DGKB: variants seen among roughly 807,000 people sequenced by gnomAD.
DGKB encodes the protein 90 kDa diacylglycerol kinase.
In DGKB, 67 loss-of-function variants were observed where a neutral mutation model predicts 114.3. The ratio of observed to expected loss-of-function variants is 0.59; its 90% CI spans 0.48 to 0.72. DGKB has a LOEUF of 0.72. Ranked by LOEUF, DGKB falls within the 30% of genes least tolerant of loss-of-function variation. The probability of loss-of-function intolerance (pLI) is 0.00; values close to 1 mark genes in which losing one functional copy is unlikely to be tolerated. For missense variants in DGKB, 907 were observed against 975.2 expected, an observed-to-expected ratio of 0.93 and a Z score of 0.93; for synonymous variants, 398 against 323.1, an observed-to-expected ratio of 1.23 and a Z score of -2.49.
chr7:14,297,850 A>G (rs1283749859), intron 23 of DGKB, among the ~76,000 whole-genome samples: 2 of 152,198 alleles, frequency 1.3e-5, no homozygotes, highest in East Asian at 1.9e-4. Flanking sequence ...AAACAACTTC[A>G]GCAAAGTCTC....
At chr7:14,626,487 A>G (rs1808611150) in intron 14 of DGKB, among the ~76,000 whole-genome samples, 1 of 152,168 alleles carries the variant, frequency 6.6e-6, no homozygotes, top group Non-Finnish European at 1.5e-5. Flanking sequence ...AGAGTTTTTA[A>G]CCCAAGGTAT....
At chr7:14,322,835 A>G (rs1053644274) in intron 23 of DGKB, among the ~76,000 whole-genome samples, 1 of 152,208 alleles carries the variant, frequency 6.6e-6, no homozygotes, top group Non-Finnish European at 1.5e-5. Flanking sequence ...GATGTTTCAC[A>G]TCATTAGTCA....
chr7:14,785,380 C>T (rs1839733487), intron 2 of DGKB, among the ~76,000 whole-genome samples: 1 of 152,022 alleles, frequency 6.6e-6, no homozygotes, highest in Admixed American at 6.5e-5. Flanking sequence ...ATTTGATTTA[C>T]TTTGGCTCTT....
intron 20 of DGKB, among the ~76,000 whole-genome samples, chr7:14,510,034 G>T (rs1414843191): frequency 6.6e-6 from 1 of 152,062 alleles, no homozygotes; most frequent in Admixed American, 6.5e-5. Flanking sequence ...AAATTAGCCC[G>T]GCGTGGCGGC....
At chr7:14,461,224 A>C (rs1300275716) in intron 21 of DGKB, among the ~76,000 whole-genome samples, 3 of 152,188 alleles carry the variant, frequency 2.0e-5, no homozygotes, top group Non-Finnish European at 2.9e-5. Context: ...TTCAAAAGCT[A>C]GCAGAAGACA....
chr7:14,937,069 CACACAT>C (rs1237901840), intron 1 of DGKB, among the ~76,000 whole-genome samples: 1,158 of 105,962 alleles, frequency 0.011, 6 homozygotes, highest in East Asian at 0.039. Context: ...CACACACACA[CACACAT>C]CTTTTGTTAA....
At chr7:14,687,777 T>C (rs1821981670) in intron 9 of DGKB, among the ~76,000 whole-genome samples, 1 of 152,188 alleles carries the variant, frequency 6.6e-6, no homozygotes, top group Admixed American at 6.5e-5. Flanking sequence ...TGATTGTCCA[T>C]TACATGTGAA....
chr7:14,664,306 C>A (rs1166774824), intron 13 of DGKB, among the ~76,000 whole-genome samples: 1 of 152,000 alleles, frequency 6.6e-6, no homozygotes, highest in Non-Finnish European at 1.5e-5. Flanking sequence ...GCCTAATTTT[C>A]TTTCTCTGTT....
intron 17 of DGKB, among the ~76,000 whole-genome samples, chr7:14,603,599 T>C (rs961160452): frequency 2.6e-5 from 4 of 152,138 alleles, no homozygotes; most frequent in African/African-American, 9.6e-5. Flanking sequence ...AAAGTTTCAC[T>C]ATGAAATATG....
At chr7:14,898,295 G>A (rs1782433308) in intron 1 of DGKB, among the ~76,000 whole-genome samples, 1 of 151,988 alleles carries the variant, frequency 6.6e-6, no homozygotes, top group Admixed American at 6.6e-5. Flanking sequence ...ACTGTGGAGG[G>A]TTATAATAAG....
At chr7:14,795,572 G>A (rs1841289448) in intron 2 of DGKB, among the ~76,000 whole-genome samples, 1 of 152,146 alleles carries the variant, frequency 6.6e-6, no homozygotes, top group South Asian at 2.1e-4. Flanking sequence ...ATCACTGTCT[G>A]TAGGCCAGAC....
chr7:14,965,893 TC>T, intron 1 of DGKB, among the ~76,000 whole-genome samples: 1 of 152,218 alleles, frequency 6.6e-6, no homozygotes, highest in East Asian at 1.9e-4. Context: ...TCCATTTTGC[TC>T]TTTTCATTAC....
intron 21 of DGKB, among the ~76,000 whole-genome samples, chr7:14,458,638 C>A (rs138275764): frequency 6.6e-6 from 1 of 152,286 alleles, no homozygotes; most frequent in African/African-American, 2.4e-5. Flanking sequence ...CCCTGAGGGA[C>A]TGTGCCATGA....
rs573515186 is a variant in DGKB, at chr7:14,492,597, C to CAGA, written c.1771-14373_1771-14372insTCT. Among the ~76,000 whole-genome samples, 90 of 152,112 alleles carry CAGA rather than the reference C, an allele frequency of 5.9e-4. 2 individuals carry two copies. In the East Asian group the frequency reaches 0.014, roughly 23 times the overall value. On this transcript the variant is annotated intron_variant, in intron 20 of 25. Transcript: ENST00000402815. ...GAATTAATGGGTATTAGATGTAATA[C>CAGA]TTTAATCTCTGTTTTCTGCAAATCA...
intron 17 of DGKB, among the ~76,000 whole-genome samples, chr7:14,594,726 C>A (rs1486665956): frequency 6.6e-6 from 1 of 152,012 alleles, no homozygotes; most frequent in Non-Finnish European, 1.5e-5. Context: ...ATTCTGTACA[C>A]ATCAGATCAT....
intron 1 of DGKB, among the ~76,000 whole-genome samples, chr7:14,882,642 C>T (rs1030799853): frequency 1.3e-5 from 2 of 151,884 alleles, no homozygotes; most frequent in Non-Finnish European, 2.9e-5. Context: ...ACTGTTTATA[C>T]CCATGTGCAC....
rs566256254 is a variant in DGKB, at chr7:14,635,462, T to C, written c.1135-5194A>G. 3.3e-5 allele frequency among the ~76,000 whole-genome samples: 5 copies of C among 151,454 alleles called. No homozygotes were observed. The South Asian group carries it at 1.0e-3, about 31-fold the overall frequency. ...AGAAGAAAGAAAGAACAAAATTCTC[T>C]CTCTGTTGTTTTCCTCAATTATAGA... On this transcript the variant is annotated intron_variant, in intron 13 of 25. Transcript: ENST00000402815.
chr7:14,317,891 C>T (rs1465136956), intron 23 of DGKB, among the ~76,000 whole-genome samples: 3 of 36,690 alleles, frequency 8.2e-5, no homozygotes, highest in Non-Finnish European at 1.8e-4. Flanking sequence ...AACTATACTA[C>T]AAGGCTACAG....
Position 14,729,312 on chromosome 7 carries a change from C to T in DGKB, c.322+6729G>A, listed in dbSNP as rs553145576. Among the ~76,000 whole-genome samples the T allele has an allele frequency of 3.0e-3, 453 of 150,974 alleles. 4 individuals are homozygous for T. Among genetic ancestry groups the T allele is most frequent in the African/African-American group, 1.0e-2 (410 of 41,036 alleles). ...TAATTTTTTGTATTTTTAGTAGAGA[C>T]CAGGTTTCACCGTGTTAGCCAGGAT... On this transcript the variant is annotated intron_variant, in intron 5 of 25. Transcript: ENST00000402815.
Sources: allele counts gnomAD v4.1 joint callset (sites outside exome capture counted in the v4.1 genomes callset), GRCh38; gene constraint gnomAD v4.1.1; transcripts MANE v1.5; gene names NCBI Gene and HGNC (gene_info 2026-07-23, HGNC 2026-07-21).